Variants in RCAN2 observed in about 807,000 individuals in gnomAD.
The protein encoded by RCAN2 is regulator of calcineurin 2, also known as calcipressin-2.
A neutral mutation model predicts 23.6 loss-of-function variants in RCAN2; 9 were observed. That is an observed-to-expected ratio of 0.38 (90% CI 0.23 to 0.67). The LOEUF (loss-of-function observed/expected upper bound fraction) is 0.67, where lower values mean the gene tolerates loss of function less well. Ranked by LOEUF, RCAN2 falls within the 30% of genes least tolerant of loss-of-function variation. RCAN2 has a pLI of 0.51. For synonymous variants in RCAN2, 109 were observed against 115.7 expected, an observed-to-expected ratio of 0.94 and a Z score of 0.37; for missense variants, 273 against 302.3, an observed-to-expected ratio of 0.90 and a Z score of 0.72.
chr6:46,351,154 C>T (rs952847266), intron 2 of RCAN2, among the ~76,000 whole-genome samples: 5 of 152,316 alleles, frequency 3.3e-5, no homozygotes, highest in Middle Eastern at 3.4e-3. Context: ...CCTAGAGTCA[C>T]CAAGCTGGTA....
At chr6:46,321,782 G>T (rs1344319302) in intron 2 of RCAN2, among the ~76,000 whole-genome samples, 1 of 152,246 alleles carries the variant, frequency 6.6e-6, no homozygotes, top group Non-Finnish European at 1.5e-5. Context: ...AACTGCAGGT[G>T]TGGAGAACTG....
At position 46,244,847 on chromosome 6, in the gene RCAN2, A is replaced by G. The variant is rs182325343; in HGVS notation, c.571+1901T>C. Among the ~76,000 whole-genome samples the G allele has an allele frequency of 3.3e-4, 50 of 152,288 alleles. No homozygotes were observed. In the East Asian group the frequency reaches 8.5e-3, roughly 26 times the overall value. On this transcript the variant is annotated intron_variant, in intron 4 of 4. Transcript: ENST00000371374. ...TGCTGACATTCAAAACACCTCTACA[A>G]AGTGTTCAAGTGTGTCCTTGTCAAT...
intron 2 of RCAN2, among the ~76,000 whole-genome samples, chr6:46,356,325 C>T (rs1215275421): frequency 6.6e-6 from 1 of 152,146 alleles, no homozygotes; most frequent in East Asian, 1.9e-4. Flanking sequence ...TCTCTTGATA[C>T]CTGCTCTTTG....
At chr6:46,468,758 C>T (rs1279904753) in intron 1 of RCAN2, 1 of 958,960 alleles carries the variant, frequency 1.0e-6, no homozygotes, top group East Asian at 1.2e-4. Flanking sequence ...TCTCTCCCCA[C>T]TCTTTCTCTC....
intron 2 of RCAN2, among the ~76,000 whole-genome samples, chr6:46,266,420 AG>A (rs1767329591): frequency 6.6e-6 from 1 of 152,172 alleles, no homozygotes; most frequent in Non-Finnish European, 1.5e-5. Flanking sequence ...CACTACAAAG[AG>A]GGAACACATT....
intron 2 of RCAN2, among the ~76,000 whole-genome samples, chr6:46,369,347 G>C (rs1240509236): frequency 6.6e-6 from 1 of 152,116 alleles, no homozygotes; most frequent in African/African-American, 2.4e-5. Flanking sequence ...CAACAATAAA[G>C]TATACTATAG....
At chr6:46,398,219 T>C (rs1766148186) in intron 2 of RCAN2, among the ~76,000 whole-genome samples, 1 of 152,236 alleles carries the variant, frequency 6.6e-6, no homozygotes, top group African/African-American at 2.4e-5. Context: ...GATTTTTCTC[T>C]GTGTTATGGC....
intron 4 of RCAN2, 60 bp downstream of exon 4, chr6:46,246,688 C>T (rs757808331): frequency 2.9e-5 from 42 of 1,461,266 alleles, no homozygotes; most frequent in Non-Finnish European, 3.8e-5. Flanking sequence ...TTGTTAATCT[C>T]ATTTGGCTTT....
intron 2 of RCAN2, among the ~76,000 whole-genome samples, chr6:46,315,273 A>T (rs888503612): frequency 2.6e-5 from 4 of 152,188 alleles, no homozygotes; most frequent in Non-Finnish European, 1.5e-5. Context: ...ACACACAGAA[A>T]AGCCCCTGCC....
Position 46,222,975 on chromosome 6 carries a change from G to A in RCAN2, c.*166C>T, listed in dbSNP as rs901194856. 7.4e-6 allele frequency: 5 copies of A among 674,208 alleles called. No homozygotes were observed. The highest frequency in any genetic ancestry group is 7.2e-5 in the African/African-American group (4 of 55,718). The allele number at this position is 674,208 out of a possible 1,614,324, so 41.8% of individuals were successfully genotyped here. A position where few individuals can be genotyped will look rare whatever the true frequency, so the allele number is the denominator to read the frequency against. ...CTTAATGGGTATGATATGATCAGGA[G>A]ACATATCACCTTTTCCTAGCCCTTT... On this transcript the variant is annotated 3_prime_UTR_variant, in exon 5 of 5. Coordinates refer to ENST00000371374, the MANE Select transcript of RCAN2 (RefSeq NM_001251974.2).
intron 4 of RCAN2, among the ~76,000 whole-genome samples, chr6:46,224,335 C>T (rs1351910761): frequency 1.3e-5 from 2 of 152,178 alleles, no homozygotes; most frequent in Admixed American, 1.3e-4. Flanking sequence ...GATAAATCTT[C>T]CAAAAACAAT....
chr6:46,274,189 A>G (rs1172088575), intron 2 of RCAN2, among the ~76,000 whole-genome samples: 1 of 152,216 alleles, frequency 6.6e-6, no homozygotes, highest in Non-Finnish European at 1.5e-5. Context: ...ATAAGGGGAA[A>G]GTGTTTGCTC....
chr6:46,462,304 C>A (rs1768241466), intron 1 of RCAN2, among the ~76,000 whole-genome samples: 1 of 152,118 alleles, frequency 6.6e-6, no homozygotes, highest in Admixed American at 6.5e-5. Context: ...ACATCACCAA[C>A]AACAAGATGA....
chr6:46,297,278 C>T (rs1762754323), intron 2 of RCAN2, among the ~76,000 whole-genome samples: 2 of 152,050 alleles, frequency 1.3e-5, no homozygotes, highest in African/African-American at 2.4e-5. Context: ...GCCAGGCCAG[C>T]GAGATGAGAA....
chr6:46,410,753 T>G (rs1394786866), intron 2 of RCAN2, among the ~76,000 whole-genome samples: 1 of 152,228 alleles, frequency 6.6e-6, no homozygotes, highest in African/African-American at 2.4e-5. Flanking sequence ...ACAGCAAATC[T>G]TCTTTGAACT....
Position 46,393,356 on chromosome 6 carries a change from T to A in RCAN2, c.225+63396A>T, listed in dbSNP as rs181085611. Among the ~76,000 whole-genome samples the A allele has an allele frequency of 1.4e-4, 21 of 152,254 alleles. No individual in the cohort carries two copies. In the East Asian group the frequency reaches 3.9e-3, roughly 28 times the overall value. The stretch of plus-strand genomic sequence containing the variant: ...GATGTGGGGATGATAATATTATTGA[T>A]CCATGGTGTTGCAAGAGTTCACTGA... On this transcript the variant is annotated intron_variant, in intron 2 of 4. Coordinates refer to ENST00000371374, the MANE Select transcript of RCAN2 (RefSeq NM_001251974.2).
chr6:46,325,311 G>A, intron 2 of RCAN2: 1 of 1,497,338 alleles, frequency 6.7e-7, no homozygotes, highest in Non-Finnish European at 9.1e-7. Context: ...ATTAACCAAA[G>A]TCTTATTTCT....
intron 2 of RCAN2, among the ~76,000 whole-genome samples, chr6:46,298,008 A>G (rs1476248557): frequency 1.3e-5 from 2 of 152,116 alleles, no homozygotes; most frequent in African/African-American, 4.8e-5. Context: ...ACCAAATATC[A>G]AACTAGTTTG....
chr6:46,272,585 TAAAAC>T (rs951820048), intron 2 of RCAN2, among the ~76,000 whole-genome samples: 64 of 152,300 alleles, frequency 4.2e-4, no homozygotes, highest in Admixed American at 1.1e-3. Context: ...ACACAATACA[TAAAAC>T]AAAACAATTG....
Sources: allele counts gnomAD v4.1 joint callset (sites outside exome capture counted in the v4.1 genomes callset), GRCh38; gene constraint gnomAD v4.1.1; transcripts MANE v1.5; gene names NCBI Gene and HGNC (gene_info 2026-07-23, HGNC 2026-07-21).